The following ABCB6 variants were observed in gnomAD, a reference collection of about 807,000 sequenced individuals.
ABCB6 encodes ATP binding cassette subfamily B member 6 (LAN blood group).
A neutral mutation model predicts 99.4 loss-of-function variants in ABCB6; 87 were observed. The observed-to-expected ratio is 0.88, with a 90% CI of 0.74 to 1.05. The LOEUF is 1.05. Among genes scored for constraint, ABCB6 ranks in the 50% least tolerant of loss-of-function variants. The pLI is 0.00. For missense variants in ABCB6, 1,050 were observed against 1,097.9 expected (o/e 0.96, Z 0.62); for synonymous variants, 482 against 447.5 (o/e 1.08, Z -0.97).
rs757287403 is a variant in ABCB6 at position 219,216,654 on chromosome 2, A to G, written c.866T>C (p.Ile289Thr). The part of the protein sequence containing the change: ...NVLVPIFYRN[I>T]VNLLTEKAPW... The stretch of plus-strand genomic sequence containing the variant: ...GAGCTGGTGCTCCTCCTGCTCACCA[A>G]TGTTCCTATAGAATATAGGCACCAA... The change falls in exon 3 of 19, where the codon ATT (isoleucine) becomes ACT (threonine). Residue 289 changes from isoleucine (I) to threonine (T), a missense_variant and splice_region_variant. Physicochemically the swap from Ile to Thr is moderately conservative, Grantham distance 89. Transcript: ENST00000265316. The surrounding 1 kb of genome is among the most constrained non-coding windows in gnomAD (Gnocchi z 4.2). 1.2e-5 allele frequency: 19 copies of G among 1,556,576 alleles called. No homozygotes were observed. The highest frequency in any genetic ancestry group is 1.5e-5 in the Non-Finnish European group (17 of 1,149,856).
chr2:219,209,991 G>C lies in ABCB6; in HGVS notation c.2476C>G (p.Gln826Glu), dbSNP rs1300525177. 1 of 1,614,040 alleles carries C rather than the reference G, an allele frequency of 6.2e-7. No homozygotes were observed. The highest frequency in any genetic ancestry group is 1.3e-5 in the African/African-American group (1 of 74,908). Reference protein sequence around the residue: ...GVYADMWQLQQGQEETSEDTK... With the variant: ...GVYADMWQLQEGQEETSEDTK... ...TCTTCAGAGGTTTCTTCCTGTCCCTGCTGCAGCTGCCACATGTCAGCATAC... is the reference window on the plus strand; with the variant it reads ...TCTTCAGAGGTTTCTTCCTGTCCCTCCTGCAGCTGCCACATGTCAGCATAC... Residue 826 changes from glutamine to glutamate, a missense_variant, in exon 19 of 19, where the codon CAG (glutamine) becomes GAG (glutamate). Physicochemically the swap from Gln to Glu is conservative, Grantham distance 29 (BLOSUM62 2). Coordinates refer to ENST00000265316, the MANE Select transcript of ABCB6 (RefSeq NM_005689.4).
At chr2:219,215,265 C>T (rs1950625213) in intron 5 of ABCB6, 183 bp from the exon 6 acceptor site, 1 of 663,486 alleles carries the variant, frequency 1.5e-6, no homozygotes, top group South Asian at 2.0e-5. Context: ...TTCTCTGTAT[C>T]AATTACAATG....
intron 14 of ABCB6, among the ~76,000 whole-genome samples, chr2:219,211,538 A>G (rs1950578810): frequency 6.6e-6 from 1 of 151,428 alleles, no homozygotes; most frequent in Admixed American, 6.6e-5. Flanking sequence ...TCCTGGACTC[A>G]AATGATCCTG....
In ABCB6 at chr2:219,216,653, A is replaced by T; in HGVS notation, c.867T>A (p.Ile289=). 6.4e-7 allele frequency: 1 copy of T among 1,556,418 alleles called. No homozygotes were observed. The highest frequency in any genetic ancestry group is 2.4e-5 in the East Asian group (1 of 41,192). The change falls in exon 3 of 19, where the codon ATT becomes ATA. Residue 289 remains isoleucine (I), a splice_region_variant and synonymous_variant. Coordinates refer to ENST00000265316, the MANE Select transcript of ABCB6 (RefSeq NM_005689.4). The surrounding 1 kb of genome is among the most constrained non-coding windows in gnomAD (Gnocchi z 4.2). ...NVLVPIFYRN[I]VNLLTEKAPW... ...TGAGCTGGTGCTCCTCCTGCTCACC[A>T]ATGTTCCTATAGAATATAGGCACCA...
chr2:219,214,852 C>A, intron 6 of ABCB6, 109 bp downstream of exon 6: 1 of 1,351,974 alleles, frequency 7.4e-7, no homozygotes, highest in Admixed American at 2.0e-5. Flanking sequence ...CCATTCAAGT[C>A]CACCAATCCA....
Position 219,216,254 on chromosome 2 carries a change from G to C in ABCB6, c.971-74C>G. On this transcript the variant is annotated intron_variant, in intron 4 of 18. Transcript: ENST00000265316. This position sits in a 1 kb window ranked among gnomAD's most constrained non-coding sequence, Gnocchi z 4.2. ...GTCAGCCCAGCACCAGGATGTGAAA[G>C]GTCTGAGAGTACATGGGGGCTGGGG... The C allele has an allele frequency of 6.4e-7, 1 of 1,571,672 alleles. No individual in the cohort carries two copies.
In ABCB6 at chr2:219,213,886, C is replaced by A. The variant is rs1216504588; in HGVS notation, c.1518G>T (p.Gly506=). Residue 506 remains glycine, a synonymous_variant, in exon 9 of 19, where the codon GGG becomes GGT. Transcript: ENST00000265316. ...GCAGGGAGCCGGCGAGGAGCCCGAG[C>A]CCAATCACCAGGTTCTGGGTCTGAT... The part of the protein sequence containing the change: ...LLNQTQNLVI[G]LGLLAGSLLC... 1 of 1,614,100 alleles carries A rather than the reference C, an allele frequency of 6.2e-7. No individual in the cohort carries two copies. Among genetic ancestry groups the A allele is most frequent in the South Asian group, 1.1e-5 (1 of 91,086 alleles).
At position 219,218,600 on chromosome 2, in the gene ABCB6, G is replaced by A. The variant is rs764130606; in HGVS notation, c.74C>T (p.Pro25Leu). 1 of 1,612,432 alleles carries A rather than the reference G, an allele frequency of 6.2e-7. No homozygotes were observed. Among genetic ancestry groups the A allele is most frequent in the Non-Finnish European group, 8.5e-7 (1 of 1,179,698 alleles). ...GPAWMQDGLSPCFFFTLVPST... is the reference protein window; with the variant it reads ...GPAWMQDGLSLCFFFTLVPST... ...GGGCACGAGCGTGAAGAAGAAGCAG[G>A]GACTCAGGCCATCCTGCATCCAGGC... Residue 25 changes from proline (P) to leucine (L), a missense_variant, in exon 1 of 19, where the codon CCC (proline) becomes CTC (leucine). Physicochemically the swap from Pro to Leu is moderately conservative, Grantham distance 98. Coordinates refer to ENST00000265316, the MANE Select transcript of ABCB6 (RefSeq NM_005689.4).
chr2:219,215,230 A>C, intron 5 of ABCB6, 148 bp from the exon 6 acceptor site: 2 of 936,580 alleles, frequency 2.1e-6, no homozygotes, highest in Admixed American at 2.8e-5. Context: ...TGGGTGGCTA[A>C]ATCAACCATG....
intron 14 of ABCB6, among the ~76,000 whole-genome samples, chr2:219,211,330 A>G (rs965862128): frequency 6.6e-6 from 1 of 152,198 alleles, no homozygotes; most frequent in Admixed American, 6.5e-5. Flanking sequence ...TTTTGGATAG[A>G]GTCCACTCTG....
At chr2:219,210,357 C>T (rs777571505) in intron 17 of ABCB6, 24 bp downstream of exon 17, 39 of 1,614,198 alleles carry the variant, frequency 2.4e-5, no homozygotes, top group Middle Eastern at 3.3e-4. Flanking sequence ...CATCACCAGC[C>T]GCCCCAGGCC....
At chr2:219,217,458 A>G (rs533300354) in intron 2 of ABCB6, among the ~76,000 whole-genome samples, 1 of 152,246 alleles carries the variant, frequency 6.6e-6, no homozygotes, top group African/African-American at 2.4e-5. Context: ...ATCCTGGCCA[A>G]TGCTGTGAAA....
chr2:219,211,561 C>T (rs1037300661), intron 14 of ABCB6, among the ~76,000 whole-genome samples: 2 of 151,182 alleles, frequency 1.3e-5, no homozygotes, highest in Non-Finnish European at 2.9e-5. Flanking sequence ...GCCTTGACCT[C>T]CTAAAGTGTT....
rs755899456 is a variant in ABCB6, at chr2:219,213,512, G to A, written c.1656-10C>T. 3.1e-6 allele frequency: 5 copies of A among 1,614,106 alleles called. No individual in the cohort carries two copies. The highest frequency in any genetic ancestry group is 4.2e-6 in the Non-Finnish European group (5 of 1,180,056). On this transcript the variant is annotated splice_polypyrimidine_tract_variant and intron_variant, in intron 10 of 18. Coordinates refer to ENST00000265316, the MANE Select transcript of ABCB6 (RefSeq NM_005689.4). ...GTTGGTCTGGATCATCCTGCAAAAA[G>A]GTGCTGGTTAGGACTTCTCTGAGTA...
rs750519133 is a variant in ABCB6, at chr2:219,216,500, G to A, written c.869-35C>T. ...AAACGAGTCAGAACCCACTTATGGC[G>A]CCCAGGACTCTCTTCAGGCAAAATG... is the stretch of plus-strand genomic sequence containing the variant. On this transcript the variant is annotated intron_variant, in intron 3 of 18. Coordinates refer to ENST00000265316, the MANE Select transcript of ABCB6 (RefSeq NM_005689.4). The surrounding 1 kb of genome is among the most constrained non-coding windows in gnomAD (Gnocchi z 4.2). 49 of 1,601,804 alleles carry A rather than the reference G, an allele frequency of 3.1e-5. No individual in the cohort carries two copies. Among genetic ancestry groups the A allele is most frequent in the Admixed American group, 2.0e-4 (12 of 59,698 alleles).
At position 219,218,636 on chromosome 2, in the gene ABCB6, G is replaced by A. The variant is rs777248473; in HGVS notation, c.38C>T (p.Pro13Leu). ...ATCCTGCATCCAGGCCGGACCCACG[G>A]GCCCTTCGGCCTCGCAGTAGTTGCC... The part of the protein sequence containing the change: ...TVGNYCEAEG[P>L]VGPAWMQDGL... The change falls in exon 1 of 19, where the codon CCC (proline) becomes CTC (leucine). Residue 13 changes from proline (P) to leucine (L), a missense_variant. Pro to Leu is a moderately conservative substitution (Grantham distance 98, BLOSUM62 -3). Transcript: ENST00000265316. The A allele has an allele frequency of 1.3e-6, 2 of 1,598,952 alleles. No individual in the cohort carries two copies. The highest frequency in any genetic ancestry group is 2.2e-5 in the South Asian group (2 of 89,346).
In ABCB6 at chr2:219,213,092, C is replaced by T. The variant is rs781472859; in HGVS notation, c.1806-27G>A. The stretch of plus-strand genomic sequence containing the variant: ...TGCAAGGAAAGGTGGGGTTGCTCAG[C>T]AGGCACCTTCCATCACCAGAGCTGC... On this transcript the variant is annotated intron_variant, in intron 12 of 18. Transcript: ENST00000265316. The T allele has an allele frequency of 3.7e-6, 6 of 1,612,744 alleles. No individual in the cohort carries two copies. The South Asian group carries it at 5.5e-5, about 15-fold the overall frequency.
chr2:219,210,615 G>A lies in ABCB6; in HGVS notation c.2256+96C>T, dbSNP rs1950564546. The A allele has an allele frequency of 9.4e-6, 15 of 1,597,570 alleles. No homozygotes were observed. In the South Asian group the frequency reaches 1.6e-4, roughly 17 times the overall value. The stretch of plus-strand genomic sequence containing the variant: ...CTGGAAAGTGTGTTTTGTGAGATTT[G>A]AATTCATGGTATCTGTTCTAGGTGG... On this transcript the variant is annotated intron_variant, in intron 16 of 18. Coordinates refer to ENST00000265316, the MANE Select transcript of ABCB6 (RefSeq NM_005689.4).
rs546763283 is a variant in ABCB6, at chr2:219,216,166, G to C, written c.985C>G (p.Leu329Val). 6 of 1,594,514 alleles carry C rather than the reference G, an allele frequency of 3.8e-6. No individual in the cohort carries two copies. In the African/African-American group the frequency reaches 4.0e-5, roughly 11 times the overall value. The change falls in exon 5 of 19, where the codon CTG becomes GTG. Residue 329 changes from leucine (L) to valine (V), a missense_variant. Leu to Val is a conservative substitution (Grantham distance 32, BLOSUM62 1). Transcript: ENST00000265316. The surrounding 1 kb of genome is among the most constrained non-coding windows in gnomAD (Gnocchi z 4.2). Reference protein sequence around the residue: ...GTGSTGFVSNLRTFLWIRVQQ... With the variant: ...GTGSTGFVSNVRTFLWIRVQQ... ...ACCCGGATCCACAGGAAGGTGCGCA[G>C]GTTGCTCACGAAGCCTGCAGGGAGC...
Sources: allele counts gnomAD v4.1 joint callset (sites outside exome capture counted in the v4.1 genomes callset), GRCh38; gene constraint gnomAD v4.1.1; non-coding constraint Gnocchi (gnomAD v3.1); transcripts MANE v1.5; gene names NCBI Gene and HGNC (gene_info 2026-07-23, HGNC 2026-07-21).